Variants in TVP23C observed in about 807,000 individuals in gnomAD.
The protein encoded by TVP23C is trans-golgi network vesicle protein 23 homolog C.
TVP23C carries 19 observed loss-of-function variants against 28.7 expected under a neutral mutation model. The observed-to-expected ratio is 0.66, with a 90% confidence interval of 0.46 to 0.97. TVP23C has a LOEUF of 0.97. Among genes scored for constraint, TVP23C ranks in the 50% least tolerant of loss-of-function variants. The pLI is 0.00. For synonymous variants in TVP23C, 68 were observed against 81.7 expected (o/e 0.83, Z 0.90); for missense variants, 186 against 241.3 (o/e 0.77, Z 1.52).
downstream of TVP23C, among the ~76,000 whole-genome samples, chr17:15,532,680 T>C (rs552966679): frequency 2.6e-5 from 4 of 152,340 alleles, no homozygotes; most frequent in South Asian, 6.2e-4. Context: ...TCCTCACTGA[T>C]TTTATGCAGA....
chr17:15,530,319 T>C (rs1262485150), intron 5 of TVP23C, among the ~76,000 whole-genome samples: 2 of 152,228 alleles, frequency 1.3e-5, no homozygotes, highest in Non-Finnish European at 2.9e-5. Flanking sequence ...GAGTTTTTTT[T>C]CCTAGAGGTT....
At chr17:15,507,849 A>G (rs764664802) in intron 5 of TVP23C, among the ~76,000 whole-genome samples, 17 of 152,294 alleles carry the variant, frequency 1.1e-4, no homozygotes, top group Admixed American at 2.0e-4. Context: ...AAAAAAAAGA[A>G]AAGAAAAAAC....
chr17:15,531,083 TTC>T (rs1484582947), intron 5 of TVP23C: 1 of 152,228 alleles, frequency 6.6e-6, no homozygotes. Context: ...GGATCTAAAA[TTC>T]TCTGTTAAGT....
At chr17:15,556,660 C>A (rs914521685) in intron 1 of TVP23C, among the ~76,000 whole-genome samples, 1 of 152,146 alleles carries the variant, frequency 6.6e-6, no homozygotes, top group African/African-American at 2.4e-5. Context: ...GGCCCCATAA[C>A]CTTAGGCTTC....
At chr17:15,559,313 T>TTA (rs1187916400) in intron 1 of TVP23C, among the ~76,000 whole-genome samples, 2 of 105,186 alleles carry the variant, frequency 1.9e-5, no homozygotes, top group South Asian at 3.4e-4. Context: ...GGTACAGATT[T>TTA]AAAAAAAAAA....
Position 15,538,955 on chromosome 17 carries a change from T to C in TVP23C, c.*1457A>G, listed in dbSNP as rs1983280771. The stretch of plus-strand genomic sequence containing the variant: ...ACTTTTCATCTTCTGTGAGAGAAAC[T>C]GTACAGTAGAATAAAAAGAACAATA... On this transcript the variant is annotated 3_prime_UTR_variant, in exon 6 of 6. Coordinates refer to ENST00000518321, the MANE Select transcript of TVP23C (RefSeq NM_001135036.2). 5 of 985,730 alleles carry C rather than the reference T, an allele frequency of 5.1e-6. No individual in the cohort carries two copies. In the South Asian group the frequency reaches 1.9e-4, roughly 37 times the overall value. 61.1% of individuals were successfully genotyped at this position (985,730 alleles called of 1,614,324 possible).
exon 6 of TVP23C, chr17:15,503,141 C>G: frequency 1.9e-6 from 3 of 1,606,660 alleles, no homozygotes; most frequent in Non-Finnish European, 1.7e-6. Flanking sequence ...GCGGCTCACG[C>G]CTGTTATCCC....
intron 1 of TVP23C, chr17:15,563,118 C>G: frequency 2.3e-6 from 1 of 433,782 alleles, no homozygotes; most frequent in Non-Finnish European, 4.1e-6. Flanking sequence ...CTAAGAGGCC[C>G]GCAGGCCGCT....
At position 15,544,326 on chromosome 17, in the gene TVP23C, C is replaced by T. The variant is rs1386637589; in HGVS notation, c.462+1459G>A. Among the ~76,000 whole-genome samples the T allele has an allele frequency of 2.0e-5, 3 of 152,250 alleles. No individual in the cohort carries two copies. The East Asian group carries it at 5.8e-4, about 29-fold the overall frequency. On this transcript the variant is annotated intron_variant, in intron 5 of 5. Coordinates refer to ENST00000518321, the MANE Select transcript of TVP23C (RefSeq NM_001135036.2). ...AAGCTGCAATAAGACTGGTGATAGG[C>T]AATGAATTGACTTTTTTAAAAAACA...
intron 3 of TVP23C, among the ~76,000 whole-genome samples, chr17:15,549,325 G>A (rs1983785494): frequency 6.6e-6 from 1 of 152,072 alleles, no homozygotes; most frequent in African/African-American, 2.4e-5. Context: ...ATACATTTAC[G>A]GTTTGCTCAA....
intron 5 of TVP23C, among the ~76,000 whole-genome samples, chr17:15,528,711 C>A (rs1982829043): frequency 6.6e-6 from 1 of 151,840 alleles, no homozygotes; most frequent in African/African-American, 2.4e-5. Flanking sequence ...GTTCATCCTG[C>A]CTCAGCCTCC....
At chr17:15,507,573 T>C (rs543835639) in intron 5 of TVP23C, among the ~76,000 whole-genome samples, 2 of 152,316 alleles carry the variant, frequency 1.3e-5, no homozygotes, top group Non-Finnish European at 2.9e-5. Flanking sequence ...GCGCGGTGGC[T>C]CACGCCTGTA....
intron 1 of TVP23C, among the ~76,000 whole-genome samples, chr17:15,561,005 C>T (rs1984357463): frequency 6.6e-6 from 1 of 151,936 alleles, no homozygotes; most frequent in African/African-American, 2.4e-5. Context: ...AACCAGGACA[C>T]AGTAGACAGG....
intron 5 of TVP23C, among the ~76,000 whole-genome samples, chr17:15,520,753 A>G (rs1982440249): frequency 6.6e-6 from 1 of 152,224 alleles, no homozygotes; most frequent in African/African-American, 2.4e-5. Flanking sequence ...TGATACCACC[A>G]TGTCCTTACA....
chr17:15,563,155 G>A, intron 1 of TVP23C: 1 of 499,366 alleles, frequency 2.0e-6, no homozygotes. Context: ...CCGGCAATAA[G>A]GGTTGAGGAA....
At position 15,561,637 on chromosome 17, in the gene TVP23C, TAAATAAATAAATA is replaced by T. The variant is rs1424639299; in HGVS notation, c.12+1787_12+1799del. ...ATGAATGAATGAATGAATGAATAAA[TAAATAAATAAATA>T]AATAAATAAATAAATAGTGGGAACA... On this transcript the variant is annotated intron_variant, in intron 1 of 5. Transcript: ENST00000518321. Among the ~76,000 whole-genome samples, 23 of 89,110 alleles carry T rather than the reference TAAATAAATAAATA, an allele frequency of 2.6e-4. No homozygotes were observed. In the East Asian group the frequency reaches 9.6e-3, roughly 37 times the overall value. The allele number at this position is 89,110 out of a possible 152,430, so 58.5% of individuals were successfully genotyped here.
At chr17:15,507,635 G>A (rs955981117) in intron 5 of TVP23C, among the ~76,000 whole-genome samples, 8 of 152,100 alleles carry the variant, frequency 5.3e-5, no homozygotes, top group East Asian at 1.9e-4. Flanking sequence ...TCAGGAGATC[G>A]AGACCATCCT....
chr17:15,502,993 T>C, exon 6 of TVP23C: 1 of 1,614,160 alleles, frequency 6.2e-7, no homozygotes, highest in Non-Finnish European at 8.5e-7. Flanking sequence ...GCGCCATCTG[T>C]TGGCAGTTGC....
rs146376616 is a variant in TVP23C, at chr17:15,540,042, G to A, written c.*370C>T. ...CGGGGGGCAGAGGTTGCAGTGAGCC[G>A]AGATTGCACCACTGCACTCCAGCCT... On this transcript the variant is annotated 3_prime_UTR_variant, in exon 6 of 6. Transcript: ENST00000518321. 4.2e-5 allele frequency: 43 copies of A among 1,028,002 alleles called. No individual in the cohort carries two copies. The East Asian group carries it at 1.2e-3, about 28-fold the overall frequency. 63.7% of individuals were successfully genotyped at this position (1,028,002 alleles called of 1,614,324 possible). A position where few individuals can be genotyped will look rare whatever the true frequency, so the allele number is the denominator to read the frequency against.
Sources: gnomAD v4.1 joint callset for allele counts (sites outside exome capture counted in the v4.1 genomes callset) on GRCh38, gnomAD v4.1.1 for gene constraint, MANE v1.5 for transcripts, NCBI Gene and HGNC (gene_info 2026-07-23, HGNC 2026-07-21) for gene names.